TNFSF4: variants seen among roughly 807,000 people sequenced by gnomAD.
TNFSF4 encodes the protein tumor necrosis factor ligand superfamily member 4.
TNFSF4 carries 4 observed loss-of-function variants against 7.3 expected under a neutral mutation model. The observed-to-expected ratio is 0.55, with a 90% confidence interval of 0.27 to 1.25. The LOEUF is 1.25. Among genes scored for constraint, TNFSF4 ranks in the 50% most tolerant of loss-of-function variants. The pLI, the probability that TNFSF4 is intolerant of heterozygous loss-of-function variation, is 0.12. For synonymous variants in TNFSF4, 76 were observed against 83.7 expected, an observed-to-expected ratio of 0.91 and a Z score of 0.50; for missense variants, 181 against 208.8, an observed-to-expected ratio of 0.87 and a Z score of 0.82.
chr1:173,402,190 C>T, the TNFSF4 span, among the ~76,000 whole-genome samples: 1 of 152,148 alleles, frequency 6.6e-6, no homozygotes, highest in Non-Finnish European at 1.5e-5. Context: ...GTTATTCTTC[C>T]CACACCTCAG....
At chr1:173,268,637 A>C in the TNFSF4 span, among the ~76,000 whole-genome samples, 1 of 152,142 alleles carries the variant, frequency 6.6e-6, no homozygotes, top group Non-Finnish European at 1.5e-5. Context: ...AAACAGAGGG[A>C]ATGGACAGAA....
At chr1:173,338,880 C>T in the TNFSF4 span, among the ~76,000 whole-genome samples, 1 of 152,148 alleles carries the variant, frequency 6.6e-6, no homozygotes, top group African/African-American at 2.4e-5. Flanking sequence ...AGTTACAGTG[C>T]TGGCTGGGGT....
At chr1:173,244,658 C>CAA in the TNFSF4 span, among the ~76,000 whole-genome samples, 3,052 of 135,884 alleles carry the variant, frequency 0.022, 141 homozygotes, top group African/African-American at 0.086. Context: ...AAACAAAAAA[C>CAA]AAAAAAAACA....
the TNFSF4 span, among the ~76,000 whole-genome samples, chr1:173,235,835 G>A: frequency 2.0e-4 from 30 of 152,114 alleles, no homozygotes; most frequent in East Asian, 5.8e-4. Flanking sequence ...GTACCATGTC[G>A]TTCAGCAGAT....
chr1:173,220,586 CT>C, the TNFSF4 span, among the ~76,000 whole-genome samples: 13 of 152,040 alleles, frequency 8.6e-5, no homozygotes, highest in Admixed American at 2.6e-4. Context: ...TATTTGGAGG[CT>C]TTGGTATGTA....
chr1:173,321,993 T>C, the TNFSF4 span, among the ~76,000 whole-genome samples: 6 of 152,250 alleles, frequency 3.9e-5, no homozygotes, highest in Admixed American at 3.9e-4. Flanking sequence ...TAAATCATTC[T>C]GCTATAAAGG....
At chr1:173,246,032 G>A in the TNFSF4 span, among the ~76,000 whole-genome samples, 3 of 152,212 alleles carry the variant, frequency 2.0e-5, no homozygotes, top group African/African-American at 7.2e-5. Context: ...GTTGTGAATA[G>A]TGTTGCAATA....
chr1:173,192,092 G>A (rs949462261), intron 1 of TNFSF4, among the ~76,000 whole-genome samples: 4 of 152,158 alleles, frequency 2.6e-5, no homozygotes, highest in Admixed American at 6.5e-5. Flanking sequence ...CACAAGAATC[G>A]CTTGAACCCA....
the TNFSF4 span, among the ~76,000 whole-genome samples, chr1:173,324,902 C>T: frequency 1.3e-5 from 2 of 152,170 alleles, no homozygotes; most frequent in Admixed American, 6.5e-5. Flanking sequence ...TAGACTCCCA[C>T]ACAATATTAA....
chr1:173,269,227 T>G, the TNFSF4 span, among the ~76,000 whole-genome samples: 17 of 152,108 alleles, frequency 1.1e-4, no homozygotes, highest in South Asian at 1.0e-3. Context: ...AATGGCAGAA[T>G]GCAATCTTCC....
the TNFSF4 span, among the ~76,000 whole-genome samples, chr1:173,421,574 G>A: frequency 1.3e-5 from 2 of 151,848 alleles, no homozygotes; most frequent in African/African-American, 4.8e-5. Flanking sequence ...CAACTAAATA[G>A]AAGAAAAGCT....
the TNFSF4 span, among the ~76,000 whole-genome samples, chr1:173,387,610 T>G: frequency 6.6e-6 from 1 of 152,236 alleles, no homozygotes; most frequent in South Asian, 2.1e-4. Flanking sequence ...CTGAAACTGA[T>G]AGTCAATTGA....
chr1:173,364,372 G>A, the TNFSF4 span, among the ~76,000 whole-genome samples: 2 of 132,000 alleles, frequency 1.5e-5, no homozygotes, highest in Non-Finnish European at 3.2e-5. Context: ...TATATATTGG[G>A]GTGTATGTGT....
At chr1:173,270,119 A>T in the TNFSF4 span, among the ~76,000 whole-genome samples, 1 of 152,172 alleles carries the variant, frequency 6.6e-6, no homozygotes, top group East Asian at 1.9e-4. Context: ...TTTTGACTTG[A>T]GGCACTGGAA....
At chr1:173,272,513 A>G in the TNFSF4 span, among the ~76,000 whole-genome samples, 6 of 152,214 alleles carry the variant, frequency 3.9e-5, no homozygotes, top group South Asian at 2.1e-4. Flanking sequence ...ATCGTTTCCC[A>G]TCGAAATTCA....
the TNFSF4 span, among the ~76,000 whole-genome samples, chr1:173,410,524 CA>C: frequency 6.6e-6 from 1 of 152,226 alleles, no homozygotes. Flanking sequence ...AAATGGGTGT[CA>C]AGATTCTATT....
chr1:173,353,894 TA>T, the TNFSF4 span, among the ~76,000 whole-genome samples: 459 of 152,184 alleles, frequency 3.0e-3, 5 homozygotes, highest in Non-Finnish European at 2.5e-3. Context: ...AGAAATTCAT[TA>T]AAATGTCCAT....
the TNFSF4 span, among the ~76,000 whole-genome samples, chr1:173,443,619 C>A: frequency 6.6e-6 from 1 of 152,136 alleles, no homozygotes; most frequent in Non-Finnish European, 1.5e-5. Context: ...TACACACACA[C>A]CCTCAGGCTC....
chr1:173,316,167 C>T, the TNFSF4 span, among the ~76,000 whole-genome samples: 89 of 151,654 alleles, frequency 5.9e-4, no homozygotes, highest in Non-Finnish European at 1.2e-3. Context: ...ATTCAAAAGA[C>T]TACCCTTCCT....
Sources: allele counts gnomAD v4.1 joint callset (sites outside exome capture counted in the v4.1 genomes callset), GRCh38; gene constraint gnomAD v4.1.1; transcripts MANE v1.5; gene names NCBI Gene and HGNC (gene_info 2026-07-23, HGNC 2026-07-21).